TM9SF4: variants seen among roughly 807,000 people sequenced by gnomAD.
TM9SF4 encodes the protein transmembrane 9 superfamily member 4.
In TM9SF4, 26 loss-of-function variants were observed where a neutral mutation model predicts 90.4. That is an observed-to-expected ratio of 0.29 (90% CI 0.21 to 0.40). The LOEUF (loss-of-function observed/expected upper bound fraction) is 0.40. TM9SF4 is among the 10% of genes least tolerant of loss of function. The pLI is 1.00. For synonymous variants in TM9SF4, 293 were observed against 315.4 expected (o/e 0.93, Z 0.75); for missense variants, 549 against 834.8 (o/e 0.66, Z 4.22).
At position 32,160,026 on chromosome 20, in the gene TM9SF4, G is replaced by A; in HGVS notation, c.1604G>A (p.Gly535Asp). 1 of 1,614,192 alleles carries A rather than the reference G, an allele frequency of 6.2e-7. No individual in the cohort carries two copies. The highest frequency in any genetic ancestry group is 8.5e-7 in the Non-Finnish European group (1 of 1,180,020). The change falls in exon 16 of 18, where the codon GGC (glycine) becomes GAC (aspartate). Residue 535 changes from glycine (G) to aspartate (D), a missense_variant. Physicochemically the swap from Gly to Asp is moderately conservative, Grantham distance 94 (BLOSUM62 -1). Transcript: ENST00000398022. ...IWENQFYYLF[G>D]FLFLVFIILV... ...GAGAATCAGTTCTATTACCTCTTTG[G>A]CTTCCTGTTCCTTGTTTTCATCATC...
chr20:32,115,836 CAG>C (rs1483183396), intron 1 of TM9SF4, among the ~76,000 whole-genome samples: 3 of 79,140 alleles, frequency 3.8e-5, no homozygotes, highest in African/African-American at 5.1e-5. Flanking sequence ...TTTTTTGAGA[CAG>C]AGTCTCACTC....
At chr20:32,128,012 G>C (rs1416858978) in intron 1 of TM9SF4, among the ~76,000 whole-genome samples, 1 of 152,204 alleles carries the variant, frequency 6.6e-6, no homozygotes, top group Non-Finnish European at 1.5e-5. Flanking sequence ...GTGGCTAACT[G>C]CTTATTAATG....
Position 32,152,020 on chromosome 20 carries a change from C to A in TM9SF4, c.1245+1145C>A, listed in dbSNP as rs150955805. Among the ~76,000 whole-genome samples, 2,241 of 151,790 alleles carry A rather than the reference C, an allele frequency of 0.015. 128 individuals are homozygous for A. In the East Asian group the frequency reaches 0.18, roughly 12 times the overall value. The stretch of plus-strand genomic sequence containing the variant: ...GGGACTACAGGTGCCCACCACCACA[C>A]CTGGCTAATTTTTTTTTTTTTTTGT... On this transcript the variant is annotated intron_variant, in intron 12 of 17. Coordinates refer to ENST00000398022, the MANE Select transcript of TM9SF4 (RefSeq NM_014742.4).
chr20:32,117,137 T>A (rs2122312856), intron 1 of TM9SF4, among the ~76,000 whole-genome samples: 1 of 142,282 alleles, frequency 7.0e-6, no homozygotes, highest in African/African-American at 2.6e-5. Context: ...GGCAGGAGAA[T>A]CACTTGAACC....
At chr20:32,140,772 G>A (rs1342863540) in intron 3 of TM9SF4, among the ~76,000 whole-genome samples, 1 of 152,132 alleles carries the variant, frequency 6.6e-6, no homozygotes, top group Admixed American at 6.5e-5. Flanking sequence ...CTCACACAGG[G>A]CAGTCAGGGG....
intron 14 of TM9SF4, 111 bp downstream of exon 14, chr20:32,158,080 TAG>T: frequency 7.0e-7 from 1 of 1,419,770 alleles, no homozygotes; most frequent in South Asian, 1.3e-5. Context: ...CCGGCTCTAA[TAG>T]AGTTTATGAA....
intron 1 of TM9SF4, among the ~76,000 whole-genome samples, chr20:32,126,168 T>TTA (rs1254935950): frequency 5.3e-5 from 8 of 151,780 alleles, no homozygotes; most frequent in African/African-American, 1.7e-4. Flanking sequence ...TTAAAATTCC[T>TTA]GAGTCTCCTC....
chr20:32,139,933 G>A (rs1395518135), intron 3 of TM9SF4, among the ~76,000 whole-genome samples: 2 of 152,210 alleles, frequency 1.3e-5, no homozygotes, highest in African/African-American at 2.4e-5. Flanking sequence ...AGCTGTCCTA[G>A]ACCCACTCCC....
intron 1 of TM9SF4, among the ~76,000 whole-genome samples, chr20:32,111,198 TC>T (rs1447225876): frequency 2.0e-5 from 3 of 152,198 alleles, no homozygotes; most frequent in African/African-American, 7.2e-5. Context: ...GTTTCAGACT[TC>T]AGGCTGAACC....
At chr20:32,163,606 A>ATTTTTT (rs397866148) in intron 17 of TM9SF4, among the ~76,000 whole-genome samples, 1 of 99,352 alleles carries the variant, frequency 1.0e-5, no homozygotes, top group Non-Finnish European at 1.9e-5. Context: ...TGTGCTAGGA[A>ATTTTTT]TTTTTTTTTT....
intron 3 of TM9SF4, among the ~76,000 whole-genome samples, chr20:32,139,695 T>C (rs1304897195): frequency 6.6e-6 from 1 of 152,246 alleles, no homozygotes; most frequent in Non-Finnish European, 1.5e-5. Context: ...TGTTGCTTTC[T>C]AGGTCAAACT....
chr20:32,141,341 G>A (rs993754266), intron 3 of TM9SF4, among the ~76,000 whole-genome samples, 156 bp from the exon 4 acceptor site: 12 of 152,018 alleles, frequency 7.9e-5, no homozygotes, highest in Admixed American at 4.6e-4. Context: ...ACCGTTGGGC[G>A]TGAAGCAATG....
chr20:32,141,398 A>G, intron 3 of TM9SF4, 99 bp from the exon 4 acceptor site: 2 of 1,428,880 alleles, frequency 1.4e-6, no homozygotes, highest in African/African-American at 2.8e-5. Context: ...AGTCCTTGAA[A>G]GCCCATGTTT....
chr20:32,149,309 AAAAT>A (rs2046807871), intron 9 of TM9SF4, among the ~76,000 whole-genome samples: 1 of 152,244 alleles, frequency 6.6e-6, no homozygotes, highest in Non-Finnish European at 1.5e-5. Flanking sequence ...ATAATCAGAA[AAAAT>A]AAATAAATTG....
intron 5 of TM9SF4, among the ~76,000 whole-genome samples, chr20:32,142,720 T>C (rs1457825625): frequency 6.6e-6 from 1 of 152,082 alleles, no homozygotes; most frequent in Non-Finnish European, 1.5e-5. Context: ...GGAGTCTAGG[T>C]GAACTCATGT....
At chr20:32,148,663 C>CTTTTTTTT (rs1234035990) in intron 9 of TM9SF4, among the ~76,000 whole-genome samples, 1 of 120,154 alleles carries the variant, frequency 8.3e-6, no homozygotes, top group African/African-American at 3.5e-5. Flanking sequence ...AATATTACAG[C>CTTTTTTTT]TTTTTTTTTT....
At chr20:32,157,658 G>A in intron 13 of TM9SF4, 136 bp from the exon 14 acceptor site, 1 of 1,144,388 alleles carries the variant, frequency 8.7e-7, no homozygotes, top group Middle Eastern at 3.0e-4. Context: ...GGAGCCCTGT[G>A]GTGGGGGCAG....
chr20:32,144,976 C>G lies in TM9SF4; in HGVS notation c.653-115C>G. ...GCCCATTGTGCTCCCAGTCTCCACT[C>G]CCACCCTAGAGGCTGGGTCTCCGCG... On this transcript the variant is annotated intron_variant, in intron 6 of 17. Coordinates refer to ENST00000398022, the MANE Select transcript of TM9SF4 (RefSeq NM_014742.4). 3 of 858,442 alleles carry G rather than the reference C, an allele frequency of 3.5e-6. No homozygotes were observed. In the South Asian group the frequency reaches 4.2e-5, roughly 12 times the overall value. 53.2% of individuals were successfully genotyped at this position (858,442 alleles called of 1,614,324 possible). A position where few individuals can be genotyped will look rare whatever the true frequency, so the allele number is the denominator to read the frequency against.
chr20:32,118,508 A>G (rs1600776465), intron 1 of TM9SF4, among the ~76,000 whole-genome samples: 1 of 149,444 alleles, frequency 6.7e-6, no homozygotes, highest in Non-Finnish European at 1.5e-5. Flanking sequence ...AGCTCACTCT[A>G]ACTGCAGCCG....
Sources: allele counts gnomAD v4.1 joint callset (sites outside exome capture counted in the v4.1 genomes callset), GRCh38; gene constraint gnomAD v4.1.1; transcripts MANE v1.5; gene names NCBI Gene and HGNC (gene_info 2026-07-23, HGNC 2026-07-21).